Variants in ODF4 observed in about 807,000 individuals in gnomAD.
The protein encoded by ODF4 is outer dense fiber of sperm tails 4, also known as outer dense fiber protein 4.
In ODF4, 11 loss-of-function variants were observed where a neutral mutation model predicts 17.0. The observed-to-expected ratio is 0.65, with a 90% CI of 0.41 to 1.07. The LOEUF (loss-of-function observed/expected upper bound fraction) is 1.07. Ranked by LOEUF, ODF4 falls within the 50% of genes least tolerant of loss-of-function variation. The pLI, the probability that ODF4 is intolerant of heterozygous loss-of-function variation, is 0.00. For synonymous variants in ODF4, 127 were observed against 121.8 expected (o/e 1.04, Z -0.28); for missense variants, 281 against 310.2 (o/e 0.91, Z 0.71).
intron 1 of ODF4, among the ~76,000 whole-genome samples, chr17:8,344,503 G>GT (rs1463484738): frequency 1.6e-5 from 2 of 125,864 alleles, no homozygotes; most frequent in Non-Finnish European, 3.4e-5. Flanking sequence ...TGTCTTTTTT[G>GT]TTTTTTGTTT....
At chr17:8,341,731 G>C (rs1906027788) in intron 1 of ODF4, among the ~76,000 whole-genome samples, 1 of 151,690 alleles carries the variant, frequency 6.6e-6, no homozygotes, top group South Asian at 2.1e-4. Flanking sequence ...CCCTGCTCCT[G>C]GGGAAAACCA....
chr17:8,345,135 G>A lies in ODF4; in HGVS notation c.455-208G>A, dbSNP rs184516656. ...TCTTTGGGGGTGGTATGAGGGTTTT[G>A]TGGGTGGTGGGAGAACAGAACCGAG... is the stretch of plus-strand genomic sequence containing the variant. On this transcript the variant is annotated intron_variant, in intron 1 of 2. Coordinates refer to ENST00000328248, the MANE Select transcript of ODF4 (RefSeq NM_153007.5). This position sits in a 1 kb window ranked among gnomAD's most constrained non-coding sequence, Gnocchi z 4.1. 226 of 793,368 alleles carry A rather than the reference G, an allele frequency of 2.8e-4. 4 individuals are homozygous for A. The highest frequency in any genetic ancestry group is 4.4e-5 in the Non-Finnish European group (23 of 523,852). The allele number at this position is 793,368 out of a possible 1,614,324, so 49.1% of individuals were successfully genotyped here.
chr17:8,344,809 A>C (rs1328037078), intron 1 of ODF4: 1 of 946,284 alleles, frequency 1.1e-6, no homozygotes, highest in African/African-American at 1.8e-5. Context: ...GTATTTGCTC[A>C]TTTGATTATG....
chr17:8,345,783 G>A lies in ODF4; in HGVS notation c.705G>A (p.Gln235=). The stretch of plus-strand genomic sequence containing the variant: ...CAGTAGAAGAATCTCCAAGGGCACA[G>A]ACGATCACAGACACCCCCATCACCC... ...FGSVEESPRA[Q]TITDTPITQE... is the part of the protein sequence containing the mutation. The change falls in exon 3 of 3, where the codon CAG becomes CAA. Residue 235 remains glutamine, a synonymous_variant. Coordinates refer to ENST00000328248, the MANE Select transcript of ODF4 (RefSeq NM_153007.5). The surrounding 1 kb of genome is among the most constrained non-coding windows in gnomAD (Gnocchi z 4.1). 6.2e-7 allele frequency: 1 copy of A among 1,614,152 alleles called. No individual in the cohort carries two copies. Among genetic ancestry groups the A allele is most frequent in the Non-Finnish European group, 8.5e-7 (1 of 1,180,024 alleles).
chr17:8,345,879 T>C lies in ODF4; in HGVS notation c.*27T>C, dbSNP rs758690373. 1.9e-6 allele frequency: 3 copies of C among 1,598,160 alleles called. No individual in the cohort carries two copies. In the African/African-American group the frequency reaches 4.0e-5, roughly 21 times the overall value. ...CTTTTCTGAACTCCTGGCACCAAGTTCTGTCCATTCATCTGACCCCATCTC... is the reference window on the plus strand; with the variant it reads ...CTTTTCTGAACTCCTGGCACCAAGTCCTGTCCATTCATCTGACCCCATCTC... On this transcript the variant is annotated 3_prime_UTR_variant, in exon 3 of 3. Transcript: ENST00000328248. This position sits in a 1 kb window ranked among gnomAD's most constrained non-coding sequence, Gnocchi z 4.1.
chr17:8,345,992 C>T lies in ODF4; in HGVS notation c.*140C>T. 1 of 637,238 alleles carries T rather than the reference C, an allele frequency of 1.6e-6. No homozygotes were observed. The highest frequency in any genetic ancestry group is 2.7e-6 in the Non-Finnish European group (1 of 370,360). 39.5% of individuals were successfully genotyped at this position (637,238 alleles called of 1,614,324 possible). ...GATTTTGCACTCCTCTGCTTTCTCC[C>T]TGCCTTGATTGAGCTTGAGTGATGT... On this transcript the variant is annotated 3_prime_UTR_variant, in exon 3 of 3. Coordinates refer to ENST00000328248, the MANE Select transcript of ODF4 (RefSeq NM_153007.5). The surrounding 1 kb of genome is among the most constrained non-coding windows in gnomAD (Gnocchi z 4.1).
intron 1 of ODF4, among the ~76,000 whole-genome samples, chr17:8,342,526 C>T (rs1906065913): frequency 6.7e-6 from 1 of 150,080 alleles, no homozygotes; most frequent in African/African-American, 2.5e-5. Flanking sequence ...TCACGGATTA[C>T]AGGCGTGAGC....
Position 8,345,839 on chromosome 17 carries a change from A to T in ODF4, c.761A>T (p.Asp254Val). The T allele has an allele frequency of 6.2e-7, 1 of 1,613,816 alleles. No individual in the cohort carries two copies. The highest frequency in any genetic ancestry group is 1.7e-4 in the Middle Eastern group (1 of 6,060). Residue 254 changes from aspartate to valine, a missense_variant, in exon 3 of 3, where the codon GAT becomes GTT. By Grantham distance (152) the Asp-to-Val change is radical. Transcript: ENST00000328248. This position sits in a 1 kb window ranked among gnomAD's most constrained non-coding sequence, Gnocchi z 4.1. Reference protein sequence around the residue: ...QEGVLDPEQKDTHV With the variant: ...QEGVLDPEQKVTHV ...GGAGTCCTGGATCCTGAGCAGAAGG[A>T]TACACATGTGTAATCTTTTCTGAAC...
intron 1 of ODF4, chr17:8,344,885 T>G (rs969176608): frequency 3.0e-6 from 3 of 990,918 alleles, no homozygotes; most frequent in East Asian, 2.2e-4. Flanking sequence ...AGTTTTAAGC[T>G]GTGGACAATC....
At chr17:8,341,131 G>T (rs745616698) in intron 1 of ODF4, among the ~76,000 whole-genome samples, 5 of 151,822 alleles carry the variant, frequency 3.3e-5, no homozygotes, top group African/African-American at 4.8e-5. Context: ...TGGAGGTTGC[G>T]GTGAGCCGAG....
rs1355578808 is a variant in ODF4 at position 8,345,425 on chromosome 17, A to G, written c.537A>G (p.Ile179Met). ...TGGAAAGGAATGTATCCATCCCCAT[A>G]GGCTGGAGCTATTTCATTGGTTGGC... ...FELERNVSIP[I>M]GWSYFIGWLV... is the part of the protein sequence containing the mutation. The change falls in exon 2 of 3, where the codon ATA becomes ATG. Residue 179 changes from isoleucine to methionine, a missense_variant. By Grantham distance (10) the Ile-to-Met change is conservative (BLOSUM62 1). Coordinates refer to ENST00000328248, the MANE Select transcript of ODF4 (RefSeq NM_153007.5). This position sits in a 1 kb window ranked among gnomAD's most constrained non-coding sequence, Gnocchi z 4.1. The G allele has an allele frequency of 1.2e-6, 2 of 1,612,656 alleles. No individual in the cohort carries two copies. The highest frequency in any genetic ancestry group is 1.7e-6 in the Non-Finnish European group (2 of 1,178,672).
Position 8,340,097 on chromosome 17 carries a change from G to T in ODF4, c.46G>T (p.Glu16Ter). Reference protein sequence around the residue: ...SGNEFPRSEGERDQHQRPGKE... With the variant: ...SGNEFPRSEG ...GAATGAGTTCCCCAGGTCAGAAGGA[G>T]AAAGAGACCAACATCAGAGACCTGG... Residue 16 changes from glutamate to a stop codon, truncating the protein, a stop_gained, in exon 1 of 3, where the codon GAA becomes TAA. Transcript: ENST00000328248. LOFTEE classifies it high-confidence loss of function. 1 of 1,534,644 alleles carries T rather than the reference G, an allele frequency of 6.5e-7. No individual in the cohort carries two copies.
intron 1 of ODF4, among the ~76,000 whole-genome samples, chr17:8,343,288 C>T (rs2151657568): frequency 6.6e-6 from 1 of 151,248 alleles, no homozygotes; most frequent in African/African-American, 2.4e-5. Context: ...GGTGCCACTA[C>T]ACCTGGCTAA....
chr17:8,340,972 T>C (rs1905986543), intron 1 of ODF4, among the ~76,000 whole-genome samples: 1 of 150,954 alleles, frequency 6.6e-6, no homozygotes. Context: ...GCAGATCACC[T>C]AAGGTTGGGA....
intron 1 of ODF4, among the ~76,000 whole-genome samples, chr17:8,341,902 T>C (rs926112905): frequency 1.3e-5 from 2 of 152,150 alleles, no homozygotes; most frequent in African/African-American, 4.8e-5. Context: ...CTTATTATAA[T>C]AAATTTGGGG....
intron 1 of ODF4, among the ~76,000 whole-genome samples, chr17:8,343,848 G>C (rs907628237): frequency 1.0e-5 from 1 of 97,696 alleles, no homozygotes; most frequent in Admixed American, 1.2e-4. Context: ...GTGTGTGTGT[G>C]TCTATATATA....
intron 1 of ODF4, among the ~76,000 whole-genome samples, chr17:8,341,735 A>C (rs1201082652): frequency 6.6e-6 from 1 of 151,730 alleles, no homozygotes; most frequent in Admixed American, 6.6e-5. Flanking sequence ...GCTCCTGGGG[A>C]AAACCAGAGC....
At position 8,345,081 on chromosome 17, in the gene ODF4, C is replaced by T. The variant is rs149977739; in HGVS notation, c.455-262C>T. The T allele has an allele frequency of 3.8e-4, 364 of 965,990 alleles. 3 individuals are homozygous for T. The highest frequency in any genetic ancestry group is 1.9e-3 in the Middle Eastern group (5 of 2,590). 59.8% of individuals were successfully genotyped at this position (965,990 alleles called of 1,614,324 possible). On this transcript the variant is annotated intron_variant, in intron 1 of 2. Coordinates refer to ENST00000328248, the MANE Select transcript of ODF4 (RefSeq NM_153007.5). The surrounding 1 kb of genome is among the most constrained non-coding windows in gnomAD (Gnocchi z 4.1). ...CTGGAAAGGTCCTTTGTTTTCCTAA[C>T]CCCCATCTTCCTGGGCACTTCTCCC...
At position 8,339,866 on chromosome 17, in the gene ODF4, G is replaced by A; in HGVS notation, c.-186G>A. Reference sequence around the variant, plus strand: ...TGGCAGTTAGGGGACCTGGCCTGCTGAATGGGTTGGGGCCTTCTCTTGGAT... The same window carrying A: ...TGGCAGTTAGGGGACCTGGCCTGCTAAATGGGTTGGGGCCTTCTCTTGGAT... On this transcript the variant is annotated 5_prime_UTR_variant, in exon 1 of 3. Coordinates refer to ENST00000328248, the MANE Select transcript of ODF4 (RefSeq NM_153007.5). 1 of 393,874 alleles carries A rather than the reference G, an allele frequency of 2.5e-6. No individual in the cohort carries two copies. The highest frequency in any genetic ancestry group is 4.5e-6 in the Non-Finnish European group (1 of 224,100). The allele number at this position is 393,874 out of a possible 1,614,324, so 24.4% of individuals were successfully genotyped here. A position where few individuals can be genotyped will look rare whatever the true frequency, so the allele number is the denominator to read the frequency against.
Sources: gnomAD v4.1 joint callset for allele counts (sites outside exome capture counted in the v4.1 genomes callset) on GRCh38, gnomAD v4.1.1 for gene constraint, Gnocchi (gnomAD v3.1) non-coding constraint, MANE v1.5 for transcripts, NCBI Gene and HGNC (gene_info 2026-07-23, HGNC 2026-07-21) for gene names.